TCF21: variants seen among roughly 807,000 people sequenced by gnomAD.
TCF21 encodes capsulin.
Under a neutral mutation model 13.5 loss-of-function variants are expected in TCF21, and 3 were observed. The observed-to-expected ratio is 0.22, with a 90% CI of 0.10 to 0.57. The LOEUF (loss-of-function observed/expected upper bound fraction) is 0.57, where lower values mean the gene tolerates loss of function less well. Ranked by LOEUF, TCF21 falls within the 20% of genes least tolerant of loss-of-function variation. The pLI is 0.92. For synonymous variants in TCF21, 92 were observed against 101.7 expected, an observed-to-expected ratio of 0.90 and a Z score of 0.57; for missense variants, 181 against 238.4, an observed-to-expected ratio of 0.76 and a Z score of 1.59.
In TCF21 at chr6:133,889,571, G is replaced by A. The variant is rs972696290; in HGVS notation, c.174G>A (p.Lys58=). Residue 58 remains lysine (K), a synonymous_variant, in exon 1 of 2, where the codon AAG becomes AAA. Coordinates refer to ENST00000367882, the MANE Select transcript of TCF21 (RefSeq NM_003206.4). The surrounding 1 kb of genome is among the most constrained non-coding windows in gnomAD (Gnocchi z 5.1). ...AGAAGGGCCGCGGCGGCCTGGGCAAGAGGAGGAAGGCGCCCACCAAGAAGA... is the reference window on the plus strand; with the variant it reads ...AGAAGGGCCGCGGCGGCCTGGGCAAAAGGAGGAAGGCGCCCACCAAGAAGA... ...SPQKGRGGLG[K]RRKAPTKKSP... 3 of 1,604,790 alleles carry A rather than the reference G, an allele frequency of 1.9e-6. No homozygotes were observed. Among genetic ancestry groups the A allele is most frequent in the African/African-American group, 2.8e-5 (2 of 71,862 alleles).
intron 1 of TCF21, among the ~76,000 whole-genome samples, chr6:133,890,495 T>G (rs577520081): frequency 6.6e-6 from 1 of 152,188 alleles, no homozygotes; most frequent in Non-Finnish European, 1.5e-5. Flanking sequence ...GTGTAATAAA[T>G]ACTAAAATAG....
Position 133,889,771 on chromosome 6 carries a change from C to T in TCF21, c.374C>T (p.Ser125Phe). 6.2e-7 allele frequency: 1 copy of T among 1,613,462 alleles called. No homozygotes were observed. The highest frequency in any genetic ancestry group is 8.5e-7 in the Non-Finnish European group (1 of 1,179,984). The change falls in exon 1 of 2, where the codon TCC becomes TTC. Residue 125 changes from serine to phenylalanine, a missense_variant. Ser to Phe is a radical substitution (Grantham distance 155). Coordinates refer to ENST00000367882, the MANE Select transcript of TCF21 (RefSeq NM_003206.4). The surrounding 1 kb of genome is among the most constrained non-coding windows in gnomAD (Gnocchi z 5.1). ...AAGCTGGACACGCTCAGGCTGGCGT[C>T]CAGCTACATCGCCCACTTGAGGCAG... The part of the protein sequence containing the change: ...LSKLDTLRLA[S>F]SYIAHLRQIL...
chr6:133,892,740 T>C (rs1775242906), downstream of TCF21: 1 of 152,258 alleles, frequency 6.6e-6, no homozygotes, highest in African/African-American at 2.4e-5. Flanking sequence ...CTCTGCAGCA[T>C]ACATTATCTA....
At chr6:133,895,457 C>A (rs1775286864), downstream of TCF21, 1 of 152,146 alleles carries the variant, frequency 6.6e-6, no homozygotes. Flanking sequence ...CAGGATGGCA[C>A]GCAGGATTCC....
Position 133,891,828 on chromosome 6 carries a change from G to A in TCF21, c.*26G>A. 1 of 1,612,576 alleles carries A rather than the reference G, an allele frequency of 6.2e-7. No homozygotes were observed. Among genetic ancestry groups the A allele is most frequent in the Non-Finnish European group, 8.5e-7 (1 of 1,178,980 alleles). On this transcript the variant is annotated 3_prime_UTR_variant, in exon 2 of 2. Transcript: ENST00000367882. ...CCTTGGAGGTGCGAGTCTGGGAAAG[G>A]CGCGCTCCCGGGGGGAGCGGGCCCC...
rs142244498 is a variant in TCF21 at position 133,889,525 on chromosome 6, A to G, written c.128A>G (p.Asn43Ser). ...TSNESTEESS[N>S]CENGSPQKGR... ...AACGAGAGCACCGAGGAGAGCTCCA[A>G]CTGCGAGAATGGGTCTCCCCAGAAG... The change falls in exon 1 of 2, where the codon AAC becomes AGC. Residue 43 changes from asparagine to serine, a missense_variant. This residue lies in a region of TCF21 where 91 missense variants were observed against 98.5 expected (regional missense o/e 0.92). Coordinates refer to ENST00000367882, the MANE Select transcript of TCF21 (RefSeq NM_003206.4). This position sits in a 1 kb window ranked among gnomAD's most constrained non-coding sequence, Gnocchi z 5.1. 8.1e-6 allele frequency: 13 copies of G among 1,613,928 alleles called. No homozygotes were observed. In the East Asian group the frequency reaches 1.3e-4, roughly 17 times the overall value.
intron 1 of TCF21, among the ~76,000 whole-genome samples, chr6:133,890,284 T>G (rs1224407129): frequency 6.6e-6 from 1 of 152,202 alleles, no homozygotes; most frequent in Non-Finnish European, 1.5e-5. Flanking sequence ...CCTTTCCTTG[T>G]AAATAAAAAC....
rs113499922 is a variant in TCF21 at position 133,889,359 on chromosome 6, G to C, written c.-39G>C. The C allele has an allele frequency of 6.3e-4, 951 of 1,518,640 alleles. 5 individuals carry two copies. In the African/African-American group the frequency reaches 8.7e-3, roughly 14 times the overall value. The allele number at this position is 1,518,640 out of a possible 1,614,324, so 94.1% of individuals were successfully genotyped here. A position where few individuals can be genotyped will look rare whatever the true frequency, so the allele number is the denominator to read the frequency against. On this transcript the variant is annotated 5_prime_UTR_variant, in exon 1 of 2. Transcript: ENST00000367882. The surrounding 1 kb of genome is among the most constrained non-coding windows in gnomAD (Gnocchi z 5.1). The stretch of plus-strand genomic sequence containing the variant: ...TCTTCCTCGCTTTCTCTGTCTCTCT[G>C]TCTCTCTCTCTCTCTCTCCCTCGTC...
Position 133,891,881 on chromosome 6 carries a change from C to G in TCF21, c.*79C>G, listed in dbSNP as rs2114564505. On this transcript the variant is annotated 3_prime_UTR_variant, in exon 2 of 2. Transcript: ENST00000367882. ...GAAGGCGACCCCTGCCCTCAGTGCT[C>G]TCTGTCTCTGCTTCCCCCTCGCAAT... The G allele has an allele frequency of 6.9e-7, 1 of 1,442,738 alleles. No individual in the cohort carries two copies. Among genetic ancestry groups the G allele is most frequent in the Non-Finnish European group, 9.6e-7 (1 of 1,041,406 alleles). 89.4% of individuals were successfully genotyped at this position (1,442,738 alleles called of 1,614,324 possible).
intron 1 of TCF21, among the ~76,000 whole-genome samples, chr6:133,891,080 G>A (rs1775208345): frequency 6.6e-6 from 1 of 152,214 alleles, no homozygotes; most frequent in East Asian, 1.9e-4. Flanking sequence ...TACTTTCTCA[G>A]TCCAGCATGA....
chr6:133,889,797 A>T lies in TCF21; in HGVS notation c.400A>T (p.Ile134Phe), dbSNP rs1055189835. 1 of 1,613,202 alleles carries T rather than the reference A, an allele frequency of 6.2e-7. No individual in the cohort carries two copies. Among genetic ancestry groups the T allele is most frequent in the Non-Finnish European group, 8.5e-7 (1 of 1,179,934 alleles). The part of the protein sequence containing the change: ...ASSYIAHLRQ[I>F]LANDKYENGY... ...CAGCTACATCGCCCACTTGAGGCAG[A>T]TCCTGGCTAACGACAAATACGAGAA... Residue 134 changes from isoleucine to phenylalanine, a missense_variant, in exon 1 of 2, where the codon ATC (isoleucine) becomes TTC (phenylalanine). Physicochemically the swap from Ile to Phe is conservative, Grantham distance 21 (BLOSUM62 0). Coordinates refer to ENST00000367882, the MANE Select transcript of TCF21 (RefSeq NM_003206.4). This position sits in a 1 kb window ranked among gnomAD's most constrained non-coding sequence, Gnocchi z 5.1.
chr6:133,891,626 C>T, intron 1 of TCF21, 87 bp from the exon 2 acceptor site: 1 of 1,129,234 alleles, frequency 8.9e-7, no homozygotes, highest in Non-Finnish European at 1.3e-6. Context: ...GCCCCCACCG[C>T]CCCCCTTCCT....
chr6:133,893,947 G>A (rs1259426244), downstream of TCF21: 1 of 152,126 alleles, frequency 6.6e-6, no homozygotes, highest in Non-Finnish European at 1.5e-5. Flanking sequence ...CAGGGATAAC[G>A]GTAATGAGAA....
rs1244773213 is a variant in TCF21 at position 133,889,223 on chromosome 6, G to C, written c.-175G>C. ...TTCCTTCTCACAACTCTGCGAAGGG[G>C]AAAGGGTTGTGAGACCCAACCAGAC... On this transcript the variant is annotated 5_prime_UTR_variant, in exon 1 of 2. Coordinates refer to ENST00000367882, the MANE Select transcript of TCF21 (RefSeq NM_003206.4). This position sits in a 1 kb window ranked among gnomAD's most constrained non-coding sequence, Gnocchi z 5.1. 2.7e-6 allele frequency: 2 copies of C among 740,562 alleles called. No homozygotes were observed. The highest frequency in any genetic ancestry group is 3.5e-5 in the African/African-American group (2 of 57,060). The allele number at this position is 740,562 out of a possible 1,614,324, so 45.9% of individuals were successfully genotyped here. A position where few individuals can be genotyped will look rare whatever the true frequency, so the allele number is the denominator to read the frequency against.
Position 133,891,865 on chromosome 6 carries a change from C to T in TCF21, c.*63C>T, listed in dbSNP as rs1458789477. 22 of 1,561,688 alleles carry T rather than the reference C, an allele frequency of 1.4e-5. No individual in the cohort carries two copies. The highest frequency in any genetic ancestry group is 1.9e-5 in the Non-Finnish European group (22 of 1,139,354). ...GGGGAGCGGGCCCCGGGAAGGCGACCCCTGCCCTCAGTGCTCTCTGTCTCT... is the reference window on the plus strand; with the variant it reads ...GGGGAGCGGGCCCCGGGAAGGCGACTCCTGCCCTCAGTGCTCTCTGTCTCT... On this transcript the variant is annotated 3_prime_UTR_variant, in exon 2 of 2. Coordinates refer to ENST00000367882, the MANE Select transcript of TCF21 (RefSeq NM_003206.4).
intron 1 of TCF21, among the ~76,000 whole-genome samples, chr6:133,890,809 G>T (rs968085889): frequency 1.3e-5 from 2 of 152,168 alleles, no homozygotes; most frequent in African/African-American, 4.8e-5. Flanking sequence ...AGTGAGAGGG[G>T]TCTGAATTGT....
rs543509657 is a variant in TCF21, at chr6:133,889,227, G to C, written c.-171G>C. The C allele has an allele frequency of 9.2e-6, 7 of 761,668 alleles. No homozygotes were observed. The highest frequency in any genetic ancestry group is 2.6e-5 in the East Asian group (1 of 38,148). The allele number at this position is 761,668 out of a possible 1,614,324, so 47.2% of individuals were successfully genotyped here. ...TTCTCACAACTCTGCGAAGGGGAAA[G>C]GGTTGTGAGACCCAACCAGACCCCA... On this transcript the variant is annotated 5_prime_UTR_variant, in exon 1 of 2. Coordinates refer to ENST00000367882, the MANE Select transcript of TCF21 (RefSeq NM_003206.4). This position sits in a 1 kb window ranked among gnomAD's most constrained non-coding sequence, Gnocchi z 5.1.
At chr6:133,893,102 T>G (rs553725111), downstream of TCF21, 2 of 152,210 alleles carry the variant, frequency 1.3e-5, no homozygotes, top group Non-Finnish European at 2.9e-5. Flanking sequence ...CCTTGAAACT[T>G]CCGCTTCATT....
At chr6:133,891,626 C>G (rs1775218426) in intron 1 of TCF21, 87 bp from the exon 2 acceptor site, 1 of 1,129,228 alleles carries the variant, frequency 8.9e-7, no homozygotes, top group Admixed American at 2.1e-5. Context: ...GCCCCCACCG[C>G]CCCCCTTCCT....
Sources: allele counts gnomAD v4.1 joint callset (sites outside exome capture counted in the v4.1 genomes callset), GRCh38; gene constraint gnomAD v4.1.1; regional missense constraint gnomAD v4.1.1; non-coding constraint Gnocchi (gnomAD v3.1); transcripts MANE v1.5; gene names NCBI Gene and HGNC (gene_info 2026-07-23, HGNC 2026-07-21).